The following STK31 variants were observed in gnomAD, a reference collection of about 807,000 sequenced individuals.
The protein encoded by STK31 is serine/threonine-protein kinase 31.
In STK31, 89 loss-of-function variants were observed where a neutral mutation model predicts 129.7. The ratio of observed to expected loss-of-function variants is 0.69; its 90% CI spans 0.58 to 0.82. STK31 has a LOEUF of 0.82. Among genes scored for constraint, STK31 ranks in the 40% least tolerant of loss-of-function variants. STK31 has a pLI of 0.00. For missense variants in STK31, 1,187 were observed against 1,176.4 expected (o/e 1.01, Z -0.13); for synonymous variants, 448 against 395.3 (o/e 1.13, Z -1.58).
intron 8 of STK31, among the ~76,000 whole-genome samples, chr7:23,740,510 T>G (rs907884691): frequency 6.6e-6 from 1 of 152,206 alleles, no homozygotes; most frequent in African/African-American, 2.4e-5. Flanking sequence ...TTTTTATTAT[T>G]ATACTTTAAG....
chr7:23,716,402 C>T (rs111825256), intron 3 of STK31, among the ~76,000 whole-genome samples: 2,225 of 152,124 alleles, frequency 0.015, 43 homozygotes, highest in African/African-American at 0.05. Context: ...CAGGTTTTTT[C>T]GCTGTAAAGT....
chr7:23,768,381 T>C lies in STK31; in HGVS notation c.1417-614T>C, dbSNP rs118066131. On this transcript the variant is annotated intron_variant, in intron 11 of 23. Coordinates refer to ENST00000355870, the MANE Select transcript of STK31 (RefSeq NM_031414.5). Reference sequence around the variant, plus strand: ...CTCACGATGCATTTCTTAGAAGATATCCGTGTTGTTAAGTGATGCATGATT... The same window carrying C: ...CTCACGATGCATTTCTTAGAAGATACCCGTGTTGTTAAGTGATGCATGATT... Among the ~76,000 whole-genome samples, 75 of 152,320 alleles carry C rather than the reference T, an allele frequency of 4.9e-4. No individual in the cohort carries two copies. In the East Asian group the frequency reaches 0.014, roughly 28 times the overall value.
intron 23 of STK31, among the ~76,000 whole-genome samples, chr7:23,819,891 A>T (rs1793701748): frequency 6.6e-6 from 1 of 152,212 alleles, no homozygotes; most frequent in South Asian, 2.1e-4. Context: ...GGTGATAATG[A>T]TAGCAGCAGT....
intron 8 of STK31, among the ~76,000 whole-genome samples, chr7:23,738,908 G>A (rs538602362): frequency 6.6e-6 from 1 of 152,264 alleles, no homozygotes; most frequent in Admixed American, 6.5e-5. Context: ...CCAAGTCTTT[G>A]CCATTGTAAA....
At chr7:23,763,269 T>A (rs1229763016) in intron 11 of STK31, among the ~76,000 whole-genome samples, 1 of 152,076 alleles carries the variant, frequency 6.6e-6, no homozygotes, top group Non-Finnish European at 1.5e-5. Flanking sequence ...GGAGAAGGGA[T>A]CAACTCTGAT....
At chr7:23,831,738 C>T (rs1407618206) in intron 23 of STK31, among the ~76,000 whole-genome samples, 1 of 151,966 alleles carries the variant, frequency 6.6e-6, no homozygotes, top group Admixed American at 6.6e-5. Context: ...TTTGTTTTAC[C>T]AGTGGAGTTT....
intron 22 of STK31, among the ~76,000 whole-genome samples, chr7:23,809,529 C>T (rs963415770): frequency 2.0e-5 from 3 of 152,096 alleles, no homozygotes; most frequent in Non-Finnish European, 4.4e-5. Flanking sequence ...CCACATATGC[C>T]AAAATCTGCG....
At chr7:23,748,311 T>C (rs1788480452) in intron 8 of STK31, among the ~76,000 whole-genome samples, 1 of 152,214 alleles carries the variant, frequency 6.6e-6, no homozygotes, top group African/African-American at 2.4e-5. Flanking sequence ...GAGCAGACAT[T>C]GTACGGTTTC....
intron 8 of STK31, among the ~76,000 whole-genome samples, chr7:23,749,154 G>A (rs964466460): frequency 6.6e-5 from 10 of 152,008 alleles, no homozygotes; most frequent in Non-Finnish European, 1.0e-4. Context: ...TACATTGCCC[G>A]TCTGTTGTTA....
At chr7:23,807,807 C>T (rs770897282) in intron 22 of STK31, among the ~76,000 whole-genome samples, 2 of 151,802 alleles carry the variant, frequency 1.3e-5, no homozygotes, top group African/African-American at 4.8e-5. Context: ...GCTTTCCTGT[C>T]ATATTTATTC....
intron 1 of STK31, chr7:23,710,884 C>G: frequency 1.3e-6 from 1 of 782,650 alleles, no homozygotes; most frequent in Non-Finnish European, 1.6e-6. Context: ...TTAATGCTTT[C>G]CGTGGGAATA....
chr7:23,812,895 A>C (rs1793226925), intron 22 of STK31, among the ~76,000 whole-genome samples: 1 of 152,140 alleles, frequency 6.6e-6, no homozygotes. Context: ...GTGTGTGTAC[A>C]TATGTATGTA....
At position 23,714,027 on chromosome 7, in the gene STK31, T is replaced by C. The variant is rs760306112; in HGVS notation, c.150+1741T>C. Among the ~76,000 whole-genome samples the C allele has an allele frequency of 6.6e-5, 10 of 152,164 alleles. No homozygotes were observed. The South Asian group carries it at 2.1e-3, about 32-fold the overall frequency. On this transcript the variant is annotated intron_variant, in intron 3 of 23. Coordinates refer to ENST00000355870, the MANE Select transcript of STK31 (RefSeq NM_031414.5). ...ATGTGAGTAATGCATTGTTCTATGA[T>C]GTTACAATGGCTAGGACTACACTAG...
At chr7:23,749,642 T>G (rs1018866790) in intron 8 of STK31, among the ~76,000 whole-genome samples, 1 of 152,056 alleles carries the variant, frequency 6.6e-6, no homozygotes, top group South Asian at 2.1e-4. Flanking sequence ...CATTAGCCAC[T>G]GTGCCTAGCT....
intron 21 of STK31, 43 bp from the exon 22 acceptor site, chr7:23,790,781 C>T (rs1791566772): frequency 1.3e-6 from 2 of 1,518,982 alleles, no homozygotes; most frequent in Middle Eastern, 1.8e-4. Context: ...AAAGTCACCT[C>T]AACTGTGTTG....
chr7:23,810,679 A>C (rs1163801015), intron 22 of STK31, among the ~76,000 whole-genome samples: 8 of 129,616 alleles, frequency 6.2e-5, no homozygotes, highest in Non-Finnish European at 1.1e-4. Flanking sequence ...ATATATATAA[A>C]ATAGATATTA....
At chr7:23,773,433 A>G (rs1790329235) in intron 15 of STK31, among the ~76,000 whole-genome samples, 1 of 151,776 alleles carries the variant, frequency 6.6e-6, no homozygotes, top group African/African-American at 2.4e-5. Context: ...TTCTTTATCC[A>G]CTCAATCATT....
intron 8 of STK31, among the ~76,000 whole-genome samples, chr7:23,745,522 C>T (rs1430941413): frequency 1.3e-5 from 2 of 152,208 alleles, no homozygotes; most frequent in Non-Finnish European, 2.9e-5. Context: ...GCAAGGGCAG[C>T]AGCTGCAGGT....
intron 15 of STK31, 102 bp from the exon 16 acceptor site, chr7:23,781,317 A>G (rs1790910120): frequency 1.3e-6 from 1 of 785,608 alleles, no homozygotes; most frequent in Admixed American, 2.8e-5. Flanking sequence ...ACTGAAGGAT[A>G]CATAGAAACC....
Sources: gnomAD v4.1 joint callset for allele counts (sites outside exome capture counted in the v4.1 genomes callset) on GRCh38, gnomAD v4.1.1 for gene constraint, MANE v1.5 for transcripts, NCBI Gene and HGNC (gene_info 2026-07-23, HGNC 2026-07-21) for gene names.